SPC25: variants seen among roughly 807,000 people sequenced by gnomAD.
The protein encoded by SPC25 is kinetochore protein Spc25.
A neutral mutation model predicts 29.6 loss-of-function variants in SPC25; 22 were observed. The observed-to-expected ratio is 0.74, with a 90% CI of 0.53 to 1.06. The LOEUF (loss-of-function observed/expected upper bound fraction) is 1.06. Among genes scored for constraint, SPC25 ranks in the 50% least tolerant of loss-of-function variants. The pLI is 0.00. For missense variants in SPC25, 230 were observed against 255.8 expected (o/e 0.90, Z 0.69); for synonymous variants, 91 against 90.4 (o/e 1.01, Z -0.04).
intron 3 of SPC25, 151 bp from the exon 4 acceptor site, chr2:168,877,535 A>G: frequency 1.1e-6 from 1 of 910,730 alleles, no homozygotes; most frequent in Admixed American, 3.2e-5. Context: ...TAAAAGACAA[A>G]AAAGAAAAAA....
intron 4 of SPC25, among the ~76,000 whole-genome samples, chr2:168,863,953 C>G (rs1028385991): frequency 6.6e-6 from 1 of 151,932 alleles, no homozygotes; most frequent in African/African-American, 2.4e-5. Context: ...CTCTGTCACC[C>G]AGGCTGCAGT....
At chr2:168,868,966 T>G (rs1689927893), downstream of SPC25, among the ~76,000 whole-genome samples, 1 of 152,158 alleles carries the variant, frequency 6.6e-6, no homozygotes, top group African/African-American at 2.4e-5. Context: ...AATAAAATAC[T>G]GGCAAACTGA....
At chr2:168,886,212 C>T (rs1690259381) in intron 3 of SPC25, among the ~76,000 whole-genome samples, 2 of 151,948 alleles carry the variant, frequency 1.3e-5, no homozygotes, top group Admixed American at 6.6e-5. Flanking sequence ...CACCACCACA[C>T]CTGGCTAATT....
rs1231463930 is a variant in SPC25, at chr2:168,889,422, C to T, written c.98G>A (p.Arg33Lys). 8 of 1,614,022 alleles carry T rather than the reference C, an allele frequency of 5.0e-6. No homozygotes were observed. In the African/African-American group the frequency reaches 9.3e-5, roughly 19 times the overall value. Residue 33 changes from arginine (R) to lysine (K), a missense_variant, in exon 2 of 7, where the codon AGA becomes AAA. By Grantham distance (26) the Arg-to-Lys change is conservative. Coordinates refer to ENST00000282074, the MANE Select transcript of SPC25 (RefSeq NM_020675.4). ...TDTSCQMAGL[R>K]DTYKDSIKAF... ...TTTGATGGAATCCTTGTAGGTATCT[C>T]TTAGTCCCGCCATCTGACAGGAGGT...
At chr2:168,870,174 A>G (rs1574356902), downstream of SPC25, among the ~76,000 whole-genome samples, 1 of 150,898 alleles carries the variant, frequency 6.6e-6, no homozygotes, top group African/African-American at 2.4e-5. Flanking sequence ...CTGAAACTGG[A>G]TCCCTTCCTT....
chr2:168,889,440 CAGG>C lies in SPC25; in HGVS notation c.77_79del (p.Ser26del). ...GGTATCTCTTAGTCCCGCCATCTGA[CAGG>C]AGGTGTCCGTACTTTTGAATTTATT... On this transcript the variant is annotated inframe_deletion, in exon 2 of 7. Coordinates refer to ENST00000282074, the MANE Select transcript of SPC25 (RefSeq NM_020675.4). 6.2e-7 allele frequency: 1 copy of C among 1,614,152 alleles called. No individual in the cohort carries two copies. The highest frequency in any genetic ancestry group is 2.2e-5 in the East Asian group (1 of 44,868).
chr2:168,889,009 A>G (rs1559158634), intron 3 of SPC25, among the ~76,000 whole-genome samples: 8 of 134,836 alleles, frequency 5.9e-5, no homozygotes, highest in Non-Finnish European at 9.3e-5. Context: ...ATACACATAT[A>G]TGTATATATA....
intron 4 of SPC25, among the ~76,000 whole-genome samples, chr2:168,862,392 T>C (rs580507): frequency 0.79 from 120,424 of 152,156 alleles, 47,852 homozygotes; most frequent in South Asian, 0.88. Context: ...CAACACAAGA[T>C]TTGAACTTGG....
downstream of SPC25, among the ~76,000 whole-genome samples, chr2:168,867,168 A>G (rs983689781): frequency 7.2e-5 from 11 of 152,170 alleles, no homozygotes; most frequent in African/African-American, 2.7e-4. Flanking sequence ...ATAAAGACAC[A>G]TGCACATGTA....
intron 6 of SPC25, among the ~76,000 whole-genome samples, chr2:168,873,192 C>T (rs1341729142): frequency 2.6e-5 from 4 of 152,264 alleles, no homozygotes; most frequent in Admixed American, 2.0e-4. Flanking sequence ...ATTCTGGTGA[C>T]TTTACATTTG....
At chr2:168,885,631 T>A (rs1293214851) in intron 3 of SPC25, among the ~76,000 whole-genome samples, 1 of 151,846 alleles carries the variant, frequency 6.6e-6, no homozygotes, top group Non-Finnish European at 1.5e-5. Context: ...ATCCCAGAAC[T>A]TAACAAGCTC....
rs375779106 is a variant in SPC25, at chr2:168,871,581, A to T, written c.551-26T>A. The T allele has an allele frequency of 5.5e-5, 85 of 1,546,858 alleles. No homozygotes were observed. The African/African-American group carries it at 1.0e-3, about 18-fold the overall frequency. On this transcript the variant is annotated intron_variant, in intron 6 of 6. Coordinates refer to ENST00000282074, the MANE Select transcript of SPC25 (RefSeq NM_020675.4). ...CTAGAAAAAAAAAAAAAAGAAATCAAAGACAATTAGAATGAGTTTTTTTAT... is the reference window on the plus strand; with the variant it reads ...CTAGAAAAAAAAAAAAAAGAAATCATAGACAATTAGAATGAGTTTTTTTAT...
intron 3 of SPC25, among the ~76,000 whole-genome samples, 176 bp downstream of exon 3, chr2:168,889,050 T>C (rs574816707): frequency 7.3e-5 from 7 of 95,568 alleles, no homozygotes; most frequent in Non-Finnish European, 1.2e-4. Context: ...TATATACACA[T>C]ATATATACAT....
chr2:168,883,442 T>A (rs1183243687), intron 3 of SPC25, among the ~76,000 whole-genome samples: 1 of 152,138 alleles, frequency 6.6e-6, no homozygotes, highest in East Asian at 1.9e-4. Flanking sequence ...TGCTACTATT[T>A]AAAGAAAAAA....
intron 3 of SPC25, among the ~76,000 whole-genome samples, chr2:168,882,542 C>A (rs1348286108): frequency 6.6e-6 from 1 of 152,174 alleles, no homozygotes; most frequent in Non-Finnish European, 1.5e-5. Context: ...TCGGAGGTTG[C>A]AGTGAGCTGC....
chr2:168,885,376 C>T (rs1325432325), intron 3 of SPC25, among the ~76,000 whole-genome samples: 1 of 152,178 alleles, frequency 6.6e-6, no homozygotes, highest in African/African-American at 2.4e-5. Context: ...CTAAATTTTT[C>T]CTTTAACTGG....
chr2:168,870,683 C>T (rs569200343), downstream of SPC25, among the ~76,000 whole-genome samples: 267 of 149,496 alleles, frequency 1.8e-3, 13 homozygotes, highest in African/African-American at 6.2e-3. Flanking sequence ...GTTAGAATGG[C>T]AATCATTAAA....
At position 168,884,103 on chromosome 2, in the gene SPC25, G is replaced by A. The variant is rs374740554; in HGVS notation, c.199+5123C>T. ...ACTATTATTACATGTGTACATAGCA[G>A]GCTGTCTTATTCCCAGGACCGACAT... On this transcript the variant is annotated intron_variant, in intron 3 of 6. Coordinates refer to ENST00000282074, the MANE Select transcript of SPC25 (RefSeq NM_020675.4). Among the ~76,000 whole-genome samples the A allele has an allele frequency of 3.3e-5, 5 of 152,218 alleles. No homozygotes were observed. The South Asian group carries it at 6.2e-4, about 19-fold the overall frequency.
intron 3 of SPC25, among the ~76,000 whole-genome samples, chr2:168,888,731 ATGTATTTGTGTG>A (rs1690314987): frequency 6.6e-6 from 1 of 151,124 alleles, no homozygotes; most frequent in East Asian, 1.9e-4. Flanking sequence ...GTTAATGTGT[ATGTATTTGTGTG>A]TGTATGTGTC....
Sources: allele counts gnomAD v4.1 joint callset (sites outside exome capture counted in the v4.1 genomes callset), GRCh38; gene constraint gnomAD v4.1.1; transcripts MANE v1.5; gene names NCBI Gene and HGNC (gene_info 2026-07-23, HGNC 2026-07-21).